GNPAT: variants seen among roughly 807,000 people sequenced by gnomAD.
GNPAT encodes dihydroxyacetone phosphate acyltransferase.
GNPAT carries 30 observed loss-of-function variants against 78.4 expected under a neutral mutation model. The observed-to-expected ratio is 0.38, with a 90% CI of 0.29 to 0.52. The LOEUF (loss-of-function observed/expected upper bound fraction) is 0.52. Among genes scored for constraint, GNPAT ranks in the 20% least tolerant of loss-of-function variants. The pLI, the probability that GNPAT is intolerant of heterozygous loss-of-function variation, is 0.84. For synonymous variants in GNPAT, 271 were observed against 281.1 expected (o/e 0.96, Z 0.36); for missense variants, 714 against 812.2 (o/e 0.88, Z 1.47).
chr1:231,257,770 C>T (rs530046657), intron 2 of GNPAT, among the ~76,000 whole-genome samples: 1 of 152,298 alleles, frequency 6.6e-6, no homozygotes, highest in East Asian at 1.9e-4. Flanking sequence ...CTTTTTATCT[C>T]CAGCTGTCCA....
intron 1 of GNPAT, among the ~76,000 whole-genome samples, chr1:231,247,223 C>G (rs1367859606): frequency 6.6e-6 from 1 of 151,494 alleles, no homozygotes; most frequent in Non-Finnish European, 1.5e-5. Flanking sequence ...GAGATTTGAG[C>G]CTTATACTGT....
chr1:231,246,985 C>T (rs1684766903), intron 1 of GNPAT, among the ~76,000 whole-genome samples: 1 of 152,138 alleles, frequency 6.6e-6, no homozygotes, highest in African/African-American at 2.4e-5. Flanking sequence ...CTGGCTAACA[C>T]GGTGAAACCT....
At position 231,265,480 on chromosome 1, in the gene GNPAT, AT is replaced by A. The variant is rs1233506071; in HGVS notation, c.696+63del. The A allele has an allele frequency of 2.2e-6, 3 of 1,388,956 alleles. No homozygotes were observed. In the East Asian group the frequency reaches 6.8e-5, roughly 32 times the overall value. 86.0% of individuals were successfully genotyped at this position (1,388,956 alleles called of 1,614,324 possible). Reference sequence around the variant, plus strand: ...ATATTTTCTTCACTGATGTTTGCTCATTTAAACTCTTAACTTCTGAATAGAA... The same window carrying A: ...ATATTTTCTTCACTGATGTTTGCTCATTAAACTCTTAACTTCTGAATAGAA... On this transcript the variant is annotated intron_variant, in intron 5 of 15. Coordinates refer to ENST00000366647, the MANE Select transcript of GNPAT (RefSeq NM_014236.4).
At chr1:231,276,824 G>T (rs1048176655) in intron 15 of GNPAT, among the ~76,000 whole-genome samples, 6 of 152,238 alleles carry the variant, frequency 3.9e-5, no homozygotes, top group African/African-American at 1.4e-4. Context: ...AGAAAGGAGG[G>T]TGTTAACATT....
In GNPAT at chr1:231,266,011, C is replaced by T; in HGVS notation, c.773-3C>T. The T allele has an allele frequency of 6.2e-7, 1 of 1,610,908 alleles. No homozygotes were observed. Among genetic ancestry groups the T allele is most frequent in the Non-Finnish European group, 8.5e-7 (1 of 1,178,256 alleles). On this transcript the variant is annotated splice_region_variant and splice_polypyrimidine_tract_variant and intron_variant, in intron 6 of 15. Transcript: ENST00000366647. ...ATGAAGCATTTCTCCCTGTGTTTTG[C>T]AGGTCTTCTGAATATTGTGATGGAG...
rs758785983 is a variant in GNPAT, at chr1:231,265,419, G to A, written c.695G>A (p.Arg232Gln). ...TCTGAATATGTAAAAACTATGTTACGGGTAAATGCAAATAATTCCCAACTA... is the reference window on the plus strand; with the variant it reads ...TCTGAATATGTAAAAACTATGTTACAGGTAAATGCAAATAATTCCCAACTA... ...VFSEYVKTML[R>Q]NGYAPVEFFL... is the part of the protein sequence containing the mutation. Residue 232 changes from arginine (R) to glutamine (Q), a missense_variant and splice_region_variant, in exon 5 of 16, where the codon CGG (arginine) becomes CAG (glutamine). Coordinates refer to ENST00000366647, the MANE Select transcript of GNPAT (RefSeq NM_014236.4). The A allele has an allele frequency of 3.7e-6, 6 of 1,604,760 alleles. No homozygotes were observed. Among genetic ancestry groups the A allele is most frequent in the African/African-American group, 2.7e-5 (2 of 74,682 alleles).
At chr1:231,273,075 G>A (rs187496808) in intron 11 of GNPAT, among the ~76,000 whole-genome samples, 1 of 152,280 alleles carries the variant, frequency 6.6e-6, no homozygotes. Flanking sequence ...TTTGAGAGTA[G>A]TGAGTGCTGG....
Position 231,277,723 on chromosome 1 carries a change from C to T in GNPAT, c.*181C>T. ...GCAATCAGTTTACTCTTCCCCACCA[C>T]AGTGGTTAAAAGGCGTTTGTATCTG... On this transcript the variant is annotated 3_prime_UTR_variant, in exon 16 of 16. Transcript: ENST00000366647. 5.0e-6 allele frequency: 3 copies of T among 604,788 alleles called. No homozygotes were observed. In the South Asian group the frequency reaches 5.8e-5, roughly 12 times the overall value. 37.5% of individuals were successfully genotyped at this position (604,788 alleles called of 1,614,324 possible). A position where few individuals can be genotyped will look rare whatever the true frequency, so the allele number is the denominator to read the frequency against.
Position 231,241,263 on chromosome 1 carries a change from G to C in GNPAT, c.-116G>C. 1 of 1,421,520 alleles carries C rather than the reference G, an allele frequency of 7.0e-7. No homozygotes were observed. Among genetic ancestry groups the C allele is most frequent in the Non-Finnish European group, 9.9e-7 (1 of 1,005,676 alleles). 88.1% of individuals were successfully genotyped at this position (1,421,520 alleles called of 1,614,324 possible). ...GGGATCCTGTGTAGCGGCTGCAGAG[G>C]GTGCCGCCGCCCTAGGCGAAGTAGG... On this transcript the variant is annotated 5_prime_UTR_variant, in exon 1 of 16. Coordinates refer to ENST00000366647, the MANE Select transcript of GNPAT (RefSeq NM_014236.4).
At position 231,275,509 on chromosome 1, in the gene GNPAT, T is replaced by C. The variant is rs1558340471; in HGVS notation, c.1937+11T>C. On this transcript the variant is annotated intron_variant, in intron 14 of 15. Transcript: ENST00000366647. ...GGAGAAGAAGAAGATGTAAGTACTG[T>C]ACAAGATCCCATGAGTGCTCAAGGA... 2.7e-6 allele frequency: 4 copies of C among 1,474,314 alleles called. No homozygotes were observed. Among genetic ancestry groups the C allele is most frequent in the Non-Finnish European group, 1.9e-6 (2 of 1,052,204 alleles). 91.3% of individuals were successfully genotyped at this position (1,474,314 alleles called of 1,614,324 possible). A position where few individuals can be genotyped will look rare whatever the true frequency, so the allele number is the denominator to read the frequency against.
chr1:231,261,396 A>T (rs537329369), intron 3 of GNPAT, among the ~76,000 whole-genome samples: 1 of 150,932 alleles, frequency 6.6e-6, no homozygotes, highest in South Asian at 2.1e-4. Flanking sequence ...AATTTGAGTG[A>T]TGTTATCTCA....
chr1:231,244,683 A>G (rs1470088632), intron 1 of GNPAT, among the ~76,000 whole-genome samples: 1 of 152,186 alleles, frequency 6.6e-6, no homozygotes, highest in African/African-American at 2.4e-5. Context: ...TTTGGAAGAG[A>G]TCCAAGTAGG....
chr1:231,270,994 A>T lies in GNPAT; in HGVS notation c.1516A>T (p.Arg506Trp). The T allele has an allele frequency of 1.2e-6, 2 of 1,614,212 alleles. No homozygotes were observed. Among genetic ancestry groups the T allele is most frequent in the Non-Finnish European group, 1.7e-6 (2 of 1,180,010 alleles). The change falls in exon 10 of 16, where the codon AGG (arginine) becomes TGG (tryptophan). Residue 506 changes from arginine to tryptophan, a missense_variant. Physicochemically the swap from Arg to Trp is moderately radical, Grantham distance 101. Transcript: ENST00000366647. ...AGCATTGCAGATGACACCAGGGTTC[A>T]GGAAAGGTAATTTTCAGGAATGCAA... ...AVALQMTPGF[R>W]KEDVYSCFRF...
At chr1:231,275,160 C>G (rs1685675029) in intron 12 of GNPAT, 61 bp from the exon 13 acceptor site, 2 of 924,818 alleles carry the variant, frequency 2.2e-6, no homozygotes, top group Non-Finnish European at 3.6e-6. Flanking sequence ...ATTTACTATT[C>G]TGTTGAACTT....
intron 2 of GNPAT, among the ~76,000 whole-genome samples, chr1:231,258,622 ATTTTTTTTTT>A (rs748666053): frequency 4.1e-5 from 3 of 73,762 alleles, no homozygotes; most frequent in Admixed American, 2.0e-4. Flanking sequence ...TTTTAATGCA[ATTTTTTTTTT>A]TTTTTTTTTT....
chr1:231,272,731 G>A (rs1685602717), intron 11 of GNPAT, among the ~76,000 whole-genome samples: 1 of 152,218 alleles, frequency 6.6e-6, no homozygotes, highest in African/African-American at 2.4e-5. Flanking sequence ...AGCACTTTGG[G>A]AGGCCGAGGC....
At chr1:231,250,074 T>G (rs1684850410) in intron 1 of GNPAT, among the ~76,000 whole-genome samples, 1 of 136,474 alleles carries the variant, frequency 7.3e-6, no homozygotes, top group Non-Finnish European at 1.6e-5. Flanking sequence ...AGCAAGACTG[T>G]ACCTCTTTAT....
intron 8 of GNPAT, 48 bp downstream of exon 8, chr1:231,266,455 C>G (rs1434033471): frequency 6.5e-7 from 1 of 1,547,764 alleles, no homozygotes; most frequent in African/African-American, 1.4e-5. Context: ...GATTAAAATC[C>G]AAAGGTGTGA....
chr1:231,277,282 C>G (rs1048856089), intron 15 of GNPAT, among the ~76,000 whole-genome samples: 6 of 152,222 alleles, frequency 3.9e-5, no homozygotes, highest in African/African-American at 1.4e-4. Context: ...GGTTCAACTC[C>G]TGGCCCTGGC....
Sources: allele counts gnomAD v4.1 joint callset (sites outside exome capture counted in the v4.1 genomes callset), GRCh38; gene constraint gnomAD v4.1.1; transcripts MANE v1.5; gene names NCBI Gene and HGNC (gene_info 2026-07-23, HGNC 2026-07-21).